The following AGBL4 variants were observed in gnomAD, a reference collection of about 807,000 sequenced individuals.
The protein encoded by AGBL4 is AGBL carboxypeptidase 4, also known as cytosolic carboxypeptidase 6.
Under a neutral mutation model 66.4 loss-of-function variants are expected in AGBL4, and 58 were observed. The observed-to-expected ratio is 0.87, with a 90% CI of 0.71 to 1.09. The LOEUF (loss-of-function observed/expected upper bound fraction) is 1.09, where lower values mean the gene tolerates loss of function less well. Among genes scored for constraint, AGBL4 ranks in the 50% least tolerant of loss-of-function variants. The probability of loss-of-function intolerance (pLI) is 0.00; values close to 1 mark genes in which losing one functional copy is unlikely to be tolerated. For synonymous variants in AGBL4, 234 were observed against 222.9 expected, an observed-to-expected ratio of 1.05 and a Z score of -0.44; for missense variants, 579 against 631.0, an observed-to-expected ratio of 0.92 and a Z score of 0.88.
intron 9 of AGBL4, among the ~76,000 whole-genome samples, chr1:48,607,874 C>G (rs1344564745): frequency 6.6e-6 from 1 of 152,178 alleles, no homozygotes; most frequent in East Asian, 1.9e-4. Context: ...TAAAACAGCT[C>G]ACATTGGACA....
At chr1:49,931,028 C>G (rs1653295235) in intron 1 of AGBL4, among the ~76,000 whole-genome samples, 1 of 152,012 alleles carries the variant, frequency 6.6e-6, no homozygotes, top group African/African-American at 2.4e-5. Flanking sequence ...TATAAAAGCA[C>G]CACTAGAAAT....
intron 8 of AGBL4, among the ~76,000 whole-genome samples, chr1:48,649,811 G>A (rs1267766198): frequency 2.0e-5 from 3 of 152,144 alleles, no homozygotes; most frequent in Admixed American, 1.3e-4. Context: ...AGGAATAAAT[G>A]TTTATTTATA....
At chr1:48,522,521 C>T in the AGBL4 span, among the ~76,000 whole-genome samples, 1 of 152,212 alleles carries the variant, frequency 6.6e-6, no homozygotes, top group Admixed American at 6.5e-5. Context: ...TTAATCAACA[C>T]TTAAGATAAA....
At chr1:49,846,227 G>A in intron 2 of AGBL4, 6 of 1,460,138 alleles carry the variant, frequency 4.1e-6, no homozygotes, top group Middle Eastern at 1.7e-4. Context: ...GACACACACT[G>A]GGGAAAAGCC....
chr1:49,728,199 G>A (rs542278749), intron 2 of AGBL4, among the ~76,000 whole-genome samples: 27 of 152,144 alleles, frequency 1.8e-4, no homozygotes, highest in East Asian at 5.8e-4. Flanking sequence ...ATCTGTTACC[G>A]GAAGAAGGAA....
Position 49,080,850 on chromosome 1 carries a change from T to C in AGBL4, c.378-35050A>G, listed in dbSNP as rs1292000953. Among the ~76,000 whole-genome samples the C allele has an allele frequency of 5.3e-5, 8 of 152,324 alleles. No individual in the cohort carries two copies. The East Asian group carries it at 1.2e-3, about 22-fold the overall frequency. ...ACAGTCCAATTTAATAAAAATTATG[T>C]GGTTTTTCATATCAACTTTTCTGAA... On this transcript the variant is annotated intron_variant, in intron 4 of 13. Coordinates refer to ENST00000371839, the MANE Select transcript of AGBL4 (RefSeq NM_032785.4).
intron 6 of AGBL4, among the ~76,000 whole-genome samples, chr1:48,804,776 T>A (rs1168117884): frequency 1.3e-5 from 2 of 152,162 alleles, no homozygotes; most frequent in East Asian, 3.8e-4. Flanking sequence ...GAAGTGAGGT[T>A]CAAGTCTGAA....
chr1:48,855,686 A>G (rs2148813743), intron 6 of AGBL4, among the ~76,000 whole-genome samples: 1 of 152,318 alleles, frequency 6.6e-6, no homozygotes, highest in East Asian at 1.9e-4. Context: ...TGCACAAATA[A>G]ATTTATGGTA....
At chr1:49,649,656 T>C (rs1170534670) in intron 3 of AGBL4, among the ~76,000 whole-genome samples, 1 of 152,152 alleles carries the variant, frequency 6.6e-6, no homozygotes, top group Non-Finnish European at 1.5e-5. Context: ...AATGGACATC[T>C]ATAAACTACT....
chr1:49,014,719 T>C (rs926386441), intron 5 of AGBL4, among the ~76,000 whole-genome samples: 1 of 152,214 alleles, frequency 6.6e-6, no homozygotes, highest in Non-Finnish European at 1.5e-5. Context: ...AGTCCCACCC[T>C]ACAGGGAACC....
chr1:48,863,051 A>G (rs894762525), intron 6 of AGBL4, among the ~76,000 whole-genome samples: 1 of 152,202 alleles, frequency 6.6e-6, no homozygotes, highest in Non-Finnish European at 1.5e-5. Context: ...GGAAAAGTCA[A>G]TGAGCTAATA....
chr1:49,544,468 G>A (rs1365213840), intron 3 of AGBL4, among the ~76,000 whole-genome samples: 1 of 152,076 alleles, frequency 6.6e-6, no homozygotes, highest in African/African-American at 2.4e-5. Flanking sequence ...TAAATACCGT[G>A]CTCTTCCTTT....
chr1:48,882,539 A>T (rs1305905271), intron 5 of AGBL4, among the ~76,000 whole-genome samples: 1 of 152,190 alleles, frequency 6.6e-6, no homozygotes, highest in Non-Finnish European at 1.5e-5. Flanking sequence ...TTAAGAATAT[A>T]TCTTGAATGT....
At chr1:48,738,063 A>C (rs931730271) in intron 6 of AGBL4, among the ~76,000 whole-genome samples, 3 of 152,218 alleles carry the variant, frequency 2.0e-5, no homozygotes, top group Non-Finnish European at 4.4e-5. Context: ...TCAATTGTTC[A>C]AAAAACAATT....
intron 5 of AGBL4, among the ~76,000 whole-genome samples, chr1:48,960,210 A>G (rs1335619789): frequency 6.6e-6 from 1 of 152,138 alleles, no homozygotes; most frequent in Non-Finnish European, 1.5e-5. Context: ...CCAATAAGAT[A>G]TTGGTGGAAA....
In AGBL4 at chr1:49,000,519, T is replaced by A. The variant is rs148525207; in HGVS notation, c.594+45065A>T. On this transcript the variant is annotated intron_variant, in intron 5 of 13. Transcript: ENST00000371839. Reference sequence around the variant, plus strand: ...TGATTAATACATATACAAATAGGAATCAGTTTTCTAATATGTAAAATTAGA... The same window carrying A: ...TGATTAATACATATACAAATAGGAAACAGTTTTCTAATATGTAAAATTAGA... Among the ~76,000 whole-genome samples the A allele has an allele frequency of 1.1e-3, 167 of 152,326 alleles. 1 individual carries two copies. The highest frequency in any genetic ancestry group is 3.9e-3 in the African/African-American group (161 of 41,580).
intron 3 of AGBL4, among the ~76,000 whole-genome samples, chr1:49,258,572 T>C (rs1570246752): frequency 1.3e-5 from 2 of 151,844 alleles, no homozygotes; most frequent in East Asian, 3.9e-4. Flanking sequence ...GAAGATGAAA[T>C]GAATGAAATG....
At chr1:49,997,524 A>G (rs1660455816) in intron 1 of AGBL4, among the ~76,000 whole-genome samples, 1 of 152,170 alleles carries the variant, frequency 6.6e-6, no homozygotes. Flanking sequence ...TGAAATATAT[A>G]TGCACCTAAC....
chr1:49,270,813 G>A (rs1384980768), intron 3 of AGBL4, among the ~76,000 whole-genome samples: 2 of 152,116 alleles, frequency 1.3e-5, no homozygotes, highest in Non-Finnish European at 2.9e-5. Context: ...GGTCCTTTAA[G>A]TTTGACTCCT....
Sources: gnomAD v4.1 joint callset for allele counts (sites outside exome capture counted in the v4.1 genomes callset) on GRCh38, gnomAD v4.1.1 for gene constraint, MANE v1.5 for transcripts, NCBI Gene and HGNC (gene_info 2026-07-23, HGNC 2026-07-21) for gene names.